The following RBFOX3 variants were observed in gnomAD, a reference collection of about 807,000 sequenced individuals.
RBFOX3 encodes the protein RNA binding protein fox-1 homolog 3.
A neutral mutation model predicts 48.7 loss-of-function variants in RBFOX3; 17 were observed. The ratio of observed to expected loss-of-function variants is 0.35; its 90% CI spans 0.24 to 0.52. The LOEUF (loss-of-function observed/expected upper bound fraction) is 0.52, where lower values mean the gene tolerates loss of function less well. Ranked by LOEUF, RBFOX3 falls within the 20% of genes least tolerant of loss-of-function variation. The pLI is 0.94. For missense variants in RBFOX3, 382 were observed against 497.5 expected (o/e 0.77, Z 2.21); for synonymous variants, 212 against 209.5 (o/e 1.01, Z -0.10).
At chr17:79,234,205 G>C (rs901441439) in intron 4 of RBFOX3, 8 of 152,218 alleles carry the variant, frequency 5.3e-5, no homozygotes, top group African/African-American at 1.9e-4. Flanking sequence ...GGACCCCCTG[G>C]GCTCTGTCTC....
At chr17:79,660,621 C>T in the RBFOX3 span, among the ~76,000 whole-genome samples, 1 of 152,054 alleles carries the variant, frequency 6.6e-6, no homozygotes. Context: ...GTCAGAATGG[C>T]AATTATTAAA....
rs564922601 is a variant in RBFOX3 at position 79,210,860 on chromosome 17, C to G, written c.-34+24906G>C. On this transcript the variant is annotated intron_variant, in intron 4 of 14. Transcript: ENST00000693108. ...AACACCTTCTCCAGCGTCCGGTGAT[C>G]TCAGTCCTGGTCTCCTCTAGGCAGC... 1.6e-3 allele frequency among the ~76,000 whole-genome samples: 238 copies of G among 150,526 alleles called. 3 individuals are homozygous for G. The highest frequency in any genetic ancestry group is 5.4e-3 in the African/African-American group (221 of 40,898).
At chr17:79,095,327 G>A (rs112190927) in intron 13 of RBFOX3, among the ~76,000 whole-genome samples, 186 bp downstream of exon 13, 5 of 152,198 alleles carry the variant, frequency 3.3e-5, no homozygotes, top group African/African-American at 1.2e-4. Context: ...TAAGCAGGAA[G>A]TGACTGAAGT....
At position 79,288,719 on chromosome 17, in the gene RBFOX3, C is replaced by T. The variant is rs753456127; in HGVS notation, c.-74+19005G>A. Among the ~76,000 whole-genome samples, 7 of 152,148 alleles carry T rather than the reference C, an allele frequency of 4.6e-5. 1 individual carries two copies. The highest frequency in any genetic ancestry group is 7.3e-5 in the Non-Finnish European group (5 of 68,030). ...GTTCACTGGTCTTCTCACCCCACAG[C>T]GACATGCTCTCCTGGGATGATCTTA... On this transcript the variant is annotated intron_variant, in intron 3 of 14. Coordinates refer to ENST00000693108, the MANE Select transcript of RBFOX3 (RefSeq NM_001350451.2).
chr17:79,504,340 C>T (rs1334616010), intron 1 of RBFOX3, among the ~76,000 whole-genome samples: 1 of 152,248 alleles, frequency 6.6e-6, no homozygotes. Context: ...GAGTAGCTCG[C>T]TCACTAGCAA....
chr17:79,608,733 G>A (rs2093896115), intron 1 of RBFOX3, among the ~76,000 whole-genome samples: 1 of 151,566 alleles, frequency 6.6e-6, no homozygotes, highest in African/African-American at 2.4e-5. Context: ...TGTCAGCCAG[G>A]AAATGAAGGG....
chr17:79,422,998 C>T (rs918711222), intron 2 of RBFOX3, among the ~76,000 whole-genome samples: 1 of 152,152 alleles, frequency 6.6e-6, no homozygotes, highest in South Asian at 2.1e-4. Context: ...GCGGCATCTA[C>T]ACCAGAAAGA....
At chr17:79,565,200 G>C (rs1361865192) in intron 1 of RBFOX3, among the ~76,000 whole-genome samples, 1 of 151,984 alleles carries the variant, frequency 6.6e-6, no homozygotes, top group Admixed American at 6.6e-5. Context: ...TCTCTGGGTG[G>C]GAAGATTAAG....
chr17:79,343,273 C>A (rs1013554576), intron 2 of RBFOX3, among the ~76,000 whole-genome samples: 2 of 152,150 alleles, frequency 1.3e-5, no homozygotes, highest in East Asian at 1.9e-4. Context: ...CACCTGTAAT[C>A]CCAGCACTTT....
At chr17:79,538,123 A>T (rs373253404) in intron 1 of RBFOX3, among the ~76,000 whole-genome samples, 2 of 152,294 alleles carry the variant, frequency 1.3e-5, no homozygotes, top group African/African-American at 4.8e-5. Context: ...CTATTCAGCT[A>T]TTTTGCAAAC....
intron 1 of RBFOX3, among the ~76,000 whole-genome samples, chr17:79,573,864 G>A (rs911122570): frequency 2.6e-5 from 4 of 152,206 alleles, no homozygotes; most frequent in African/African-American, 9.6e-5. Context: ...ACCAGCTGGA[G>A]AAAGACAATG....
intron 3 of RBFOX3, among the ~76,000 whole-genome samples, chr17:79,271,888 G>GTC: frequency 6.6e-6 from 1 of 152,332 alleles, no homozygotes; most frequent in East Asian, 1.9e-4. Context: ...GCTCCAAAGG[G>GTC]TCTAGTCCAG....
At chr17:79,124,824 A>T (rs2036738269) in intron 4 of RBFOX3, among the ~76,000 whole-genome samples, 2 of 151,552 alleles carry the variant, frequency 1.3e-5, no homozygotes, top group African/African-American at 4.9e-5. Flanking sequence ...GGGGTGGGAG[A>T]GGAGTGTGGG....
intron 2 of RBFOX3, among the ~76,000 whole-genome samples, chr17:79,383,936 G>C (rs943897295): frequency 2.0e-5 from 3 of 152,206 alleles, no homozygotes; most frequent in Admixed American, 6.5e-5. Flanking sequence ...ATGTCAGAGG[G>C]GGGGGCAATC....
intron 2 of RBFOX3, among the ~76,000 whole-genome samples, chr17:79,323,726 T>G (rs1299373261): frequency 6.6e-6 from 1 of 152,232 alleles, no homozygotes; most frequent in African/African-American, 2.4e-5. Flanking sequence ...TGGCCAGAGA[T>G]GGCTGCGTGC....
chr17:79,091,658 C>T (rs548107792), intron 14 of RBFOX3, among the ~76,000 whole-genome samples: 6 of 152,206 alleles, frequency 3.9e-5, no homozygotes, highest in Admixed American at 2.6e-4. Context: ...CATTCTGCCC[C>T]TCATCAGCTC....
chr17:79,486,770 G>A (rs1483619863), intron 1 of RBFOX3, among the ~76,000 whole-genome samples: 2 of 152,190 alleles, frequency 1.3e-5, no homozygotes, highest in Admixed American at 6.5e-5. Flanking sequence ...CCTGGGGCTT[G>A]GAGGGGGGCC....
upstream of RBFOX3, among the ~76,000 whole-genome samples, chr17:79,614,873 G>A (rs977557671): frequency 1.6e-4 from 25 of 152,150 alleles, no homozygotes; most frequent in African/African-American, 6.0e-4. Context: ...ATCAATTCAC[G>A]AGGCTCAACA....
intron 12 of RBFOX3, 88 bp downstream of exon 12, chr17:79,096,565 G>T: frequency 1.7e-6 from 2 of 1,166,918 alleles, no homozygotes; most frequent in Non-Finnish European, 2.5e-6. Flanking sequence ...GATGGGAGGA[G>T]CGGGCAGTGA....
Sources: gnomAD v4.1 joint callset for allele counts (sites outside exome capture counted in the v4.1 genomes callset) on GRCh38, gnomAD v4.1.1 for gene constraint, MANE v1.5 for transcripts, NCBI Gene and HGNC (gene_info 2026-07-23, HGNC 2026-07-21) for gene names.